DOCK8: variants seen among roughly 807,000 people sequenced by gnomAD.
DOCK8 encodes dedicator of cytokinesis protein 8.
In DOCK8, 141 loss-of-function variants were observed where a neutral mutation model predicts 245.6. That is an observed-to-expected ratio of 0.57 (90% CI 0.50 to 0.66). The LOEUF is 0.66. Among genes scored for constraint, DOCK8 ranks in the 30% least tolerant of loss-of-function variants. The pLI is 0.00. For missense variants in DOCK8, 2,965 were observed against 2,603.4 expected, an observed-to-expected ratio of 1.14 and a Z score of -3.02; for synonymous variants, 1,168 against 970.2, an observed-to-expected ratio of 1.20 and a Z score of -3.79.
intron 5 of DOCK8, among the ~76,000 whole-genome samples, chr9:305,335 T>A (rs900131938): frequency 6.6e-6 from 1 of 151,702 alleles, no homozygotes; most frequent in Non-Finnish European, 1.5e-5. Flanking sequence ...CAGGCTGGAC[T>A]GCAGTGGCAC....
chr9:431,117 T>G (rs2131725604), intron 36 of DOCK8, among the ~76,000 whole-genome samples: 1 of 151,994 alleles, frequency 6.6e-6, no homozygotes, highest in African/African-American at 2.4e-5. Context: ...CAAGTGATCT[T>G]CCCTCCTCAG....
intron 14 of DOCK8, among the ~76,000 whole-genome samples, chr9:343,098 C>T (rs1218181693): frequency 6.6e-6 from 1 of 152,154 alleles, no homozygotes; most frequent in East Asian, 1.9e-4. Context: ...GACTAAAATG[C>T]AAAGAACTTC....
At chr9:319,370 G>A in intron 7 of DOCK8, among the ~76,000 whole-genome samples, 1 of 152,160 alleles carries the variant, frequency 6.6e-6, no homozygotes, top group East Asian at 1.9e-4. Flanking sequence ...AACTGCCAAA[G>A]CAGAAATTAA....
upstream of DOCK8, chr9:214,536 C>T: frequency 2.5e-6 from 4 of 1,613,660 alleles, no homozygotes; most frequent in Non-Finnish European, 3.4e-6. Flanking sequence ...GATTCCCGAC[C>T]TCGCCAGCTT....
At chr9:374,911 C>T (rs1454215732) in intron 18 of DOCK8, among the ~76,000 whole-genome samples, 1 of 152,096 alleles carries the variant, frequency 6.6e-6, no homozygotes, top group Non-Finnish European at 1.5e-5. Flanking sequence ...TAAATGAATG[C>T]CTTGTTCTGG....
Position 418,199 on chromosome 9 carries a change from T to C in DOCK8, c.3832T>C (p.Ser1278Pro). The change falls in exon 30 of 48, where the codon TCT (serine) becomes CCT (proline). Residue 1278 changes from serine (S) to proline (P), a missense_variant. By Grantham distance (74) the Ser-to-Pro change is moderately conservative. Around this residue, in one of 3 missense-constraint regions of DOCK8, gnomAD observed 2,825 missense variants for 2,453.5 expected, o/e 1.15. Coordinates refer to ENST00000432829, the MANE Select transcript of DOCK8 (RefSeq NM_203447.4). ...FNLKTSGIVL[S>P]SLPYKQYNML... The stretch of plus-strand genomic sequence containing the variant: ...TTTGAAAACAAGTGGAATAGTGCTG[T>C]CTTCCTTGGTATGTTGGTGCACATG... 1 of 1,614,232 alleles carries C rather than the reference T, an allele frequency of 6.2e-7. No homozygotes were observed. The highest frequency in any genetic ancestry group is 8.5e-7 in the Non-Finnish European group (1 of 1,180,034).
At chr9:420,328 A>G in intron 30 of DOCK8, 73 bp from the exon 31 acceptor site, 1 of 1,527,016 alleles carries the variant, frequency 6.5e-7, no homozygotes, top group Non-Finnish European at 9.1e-7. Context: ...CTGTTGCTTG[A>G]CTGTTAAGCC....
rs920455930 is a variant in DOCK8, at chr9:339,204, G to A, written c.1516+105G>A. The A allele has an allele frequency of 2.9e-5, 29 of 994,368 alleles. No homozygotes were observed. The African/African-American group carries it at 4.3e-4, about 15-fold the overall frequency. 61.6% of individuals were successfully genotyped at this position (994,368 alleles called of 1,614,324 possible). ...ATTTATAAAATCATGTTTGCCAAGTGAAATGTGAGATTTTGTGTTAGGGGT... is the reference window on the plus strand; with the variant it reads ...ATTTATAAAATCATGTTTGCCAAGTAAAATGTGAGATTTTGTGTTAGGGGT... On this transcript the variant is annotated intron_variant, in intron 13 of 47. Coordinates refer to ENST00000432829, the MANE Select transcript of DOCK8 (RefSeq NM_203447.4).
intron 5 of DOCK8, among the ~76,000 whole-genome samples, chr9:305,429 C>A (rs1426996271): frequency 6.6e-6 from 1 of 151,556 alleles, no homozygotes; most frequent in South Asian, 2.1e-4. Context: ...ACTACAGGCT[C>A]CCGCCACCAC....
At chr9:365,803 A>G in intron 14 of DOCK8, 1 of 378,068 alleles carries the variant, frequency 2.6e-6, no homozygotes, top group Non-Finnish European at 5.1e-6. Flanking sequence ...GATTGGTGGC[A>G]GTGGAGATGA....
At chr9:356,311 G>A (rs912136753) in intron 14 of DOCK8, among the ~76,000 whole-genome samples, 3 of 152,060 alleles carry the variant, frequency 2.0e-5, no homozygotes, top group African/African-American at 4.8e-5. Context: ...GGCGGATCAC[G>A]AGGTCAGGAG....
At chr9:458,188 C>T (rs974979800) in intron 46 of DOCK8, 1 of 152,234 alleles carries the variant, frequency 6.6e-6, no homozygotes, top group Non-Finnish European at 1.5e-5. Context: ...GACCCTGGTT[C>T]TTTTCCAATC....
intron 1 of DOCK8, among the ~76,000 whole-genome samples, chr9:268,959 G>C (rs915267236): frequency 2.6e-5 from 4 of 152,162 alleles, no homozygotes; most frequent in Non-Finnish European, 5.9e-5. Flanking sequence ...TCAAGCACTT[G>C]GAGACAAAAT....
chr9:323,491 G>C (rs1374796498), intron 7 of DOCK8, among the ~76,000 whole-genome samples: 3 of 152,158 alleles, frequency 2.0e-5, no homozygotes, highest in African/African-American at 7.2e-5. Context: ...AAAGTGCTGG[G>C]ATTACAGGCA....
At chr9:463,331 T>G (rs936188393) in intron 46 of DOCK8, among the ~76,000 whole-genome samples, 186 bp from the exon 47 acceptor site, 1 of 151,918 alleles carries the variant, frequency 6.6e-6, no homozygotes, top group African/African-American at 2.4e-5. Context: ...GCAGTTATGA[T>G]TCATTAAGTC....
intron 46 of DOCK8, chr9:456,969 GGGTTCTGCAGCA>G (rs2057662152): frequency 9.7e-6 from 1 of 102,860 alleles, no homozygotes; most frequent in Admixed American, 1.3e-4. Flanking sequence ...CACCCTGAAA[GGGTTCTGCAGCA>G]TATATGTGGT....
intron 1 of DOCK8, among the ~76,000 whole-genome samples, chr9:260,421 A>G (rs952878412): frequency 1.3e-5 from 2 of 152,252 alleles, no homozygotes; most frequent in African/African-American, 4.8e-5. Flanking sequence ...ATAGTTACAG[A>G]TAACAATGGG....
At chr9:407,224 A>G (rs182589698) in intron 28 of DOCK8, among the ~76,000 whole-genome samples, 155 bp downstream of exon 28, 2 of 152,336 alleles carry the variant, frequency 1.3e-5, no homozygotes, top group African/African-American at 2.4e-5. Context: ...TATGGTACCC[A>G]TAAGCACAAG....
intron 5 of DOCK8, 86 bp from the exon 6 acceptor site, chr9:311,868 G>T (rs1171493734): frequency 1.3e-6 from 2 of 1,524,894 alleles, no homozygotes; most frequent in African/African-American, 1.4e-5. Context: ...TCCCAAATTG[G>T]AGCAGTCTTG....
Sources: gnomAD v4.1 joint callset for allele counts (sites outside exome capture counted in the v4.1 genomes callset) on GRCh38, gnomAD v4.1.1 for gene constraint, gnomAD v4.1.1 regional missense constraint, MANE v1.5 for transcripts, NCBI Gene and HGNC (gene_info 2026-07-23, HGNC 2026-07-21) for gene names.